The following SPANXN1 variants were observed in gnomAD, a reference collection of about 807,000 sequenced individuals.
SPANXN1 encodes SPANX family member N1.
SPANXN1 carries 1 observed loss-of-function variant against 2.0 expected under a neutral mutation model. That is an observed-to-expected ratio of 0.50 (90% CI 0.18 to 2.36). SPANXN1 has a LOEUF of 2.36. Ranked by LOEUF, SPANXN1 falls within the 30% of genes most tolerant of loss-of-function variation. SPANXN1 has a pLI of 0.26. For synonymous variants in SPANXN1, 27 were observed against 21.3 expected (o/e 1.27, Z -0.74); for missense variants, 55 against 51.8 (o/e 1.06, Z -0.19).
chrX:145,252,971 T>C (rs782311555), intron 1 of SPANXN1, among the ~76,000 whole-genome samples: 6 of 111,294 alleles, frequency 5.4e-5, no homozygotes, highest in East Asian at 2.8e-4. Context: ...AGTTGTCCTA[T>C]TGAGCATCCA....
chrX:145,252,196 T>A (rs1324345813), intron 1 of SPANXN1, among the ~76,000 whole-genome samples: 1 of 111,315 alleles, frequency 9.0e-6, no homozygotes, highest in Non-Finnish European at 1.9e-5. Context: ...TCCATGTTAG[T>A]TGGGTGGACA....
intron 1 of SPANXN1, among the ~76,000 whole-genome samples, 190 bp downstream of exon 1, chrX:145,247,851 G>A (rs1556882008): frequency 8.9e-6 from 1 of 112,809 alleles, no homozygotes; most frequent in African/African-American, 3.2e-5. Context: ...TGGGCAGTAT[G>A]GCTTGCTGCC....
At chrX:145,255,532 A>G (rs782741072) in intron 1 of SPANXN1, 139 bp from the exon 2 acceptor site, 136 of 932,073 alleles carry the variant, frequency 1.5e-4, no homozygotes, top group African/African-American at 4.3e-4. Flanking sequence ...TCCCTACCCT[A>G]TGATTCAACC....
chrX:145,253,054 C>T (rs2070792624), intron 1 of SPANXN1, among the ~76,000 whole-genome samples: 2 of 111,185 alleles, frequency 1.8e-5, no homozygotes, highest in East Asian at 2.8e-4. Flanking sequence ...GCAGTACGGG[C>T]GGTGGACTCT....
chrX:145,255,086 C>G (rs2070802928), intron 1 of SPANXN1, among the ~76,000 whole-genome samples: 1 of 111,542 alleles, frequency 9.0e-6, no homozygotes, highest in Non-Finnish European at 1.9e-5. Flanking sequence ...AGAGATGGGG[C>G]AGCTCAAACA....
At chrX:145,248,708 T>C (rs1348869404) in intron 1 of SPANXN1, among the ~76,000 whole-genome samples, 3 of 112,187 alleles carry the variant, frequency 2.7e-5, no homozygotes, top group Admixed American at 1.9e-4. Flanking sequence ...CCAAGTTCAA[T>C]AGCTGCCAGC....
intron 1 of SPANXN1, among the ~76,000 whole-genome samples, chrX:145,249,482 G>A (rs781789168): frequency 2.7e-4 from 30 of 111,215 alleles, no homozygotes; most frequent in African/African-American, 9.8e-4. Flanking sequence ...CAAAGTAGGA[G>A]ATAAAAGATT....
rs1316014982 is a variant in SPANXN1, at chrX:145,249,044, G to C, written c.75+1383G>C. On this transcript the variant is annotated intron_variant, in intron 1 of 1. Transcript: ENST00000370493. ...GACAGCCCTGTGTGTGATGGTGTGG[G>C]TGGATTTAATGGATTGGGGGGAAAG... is the stretch of plus-strand genomic sequence containing the variant. Among the ~76,000 whole-genome samples, 5 of 111,051 alleles carry C rather than the reference G, an allele frequency of 4.5e-5. No individual in the cohort carries two copies. The Admixed American group carries it at 4.8e-4, about 11-fold the overall frequency.
chrX:145,255,799 G>T lies in SPANXN1; in HGVS notation c.204G>T (p.Glu68Asp). 1.6e-6 allele frequency: 2 copies of T among 1,212,149 alleles called. No individual in the cohort carries two copies. The highest frequency in any genetic ancestry group is 2.2e-6 in the Non-Finnish European group (2 of 895,632). ...KAKKIHSNQL[E>D]NDQS ...AGAAAATACATTCAAATCAACTGGA[G>T]AATGACCAGTCCTGAGAGAACTCCA... Residue 68 changes from glutamate (E) to aspartate (D), a missense_variant, in exon 2 of 2, where the codon GAG becomes GAT. By Grantham distance (45) the Glu-to-Asp change is conservative. Transcript: ENST00000370493.
chrX:145,250,356 T>A (rs1227195980), intron 1 of SPANXN1, among the ~76,000 whole-genome samples: 1 of 111,284 alleles, frequency 9.0e-6, no homozygotes, highest in Non-Finnish European at 1.9e-5. Context: ...GTGAGTGATG[T>A]TGATTTGCTA....
At chrX:145,248,198 C>T (rs782311731) in intron 1 of SPANXN1, among the ~76,000 whole-genome samples, 1 of 111,356 alleles carries the variant, frequency 9.0e-6, no homozygotes, top group East Asian at 2.8e-4. Context: ...GAGCTGTAAT[C>T]AGGGTTTGGG....
chrX:145,253,686 T>C (rs1556882751), intron 1 of SPANXN1, among the ~76,000 whole-genome samples: 1 of 111,002 alleles, frequency 9.0e-6, no homozygotes, highest in Non-Finnish European at 1.9e-5. Context: ...ACAGCTAGGG[T>C]CCCTATTGGG....
Position 145,249,007 on chromosome X carries a change from G to A in SPANXN1, c.75+1346G>A, listed in dbSNP as rs781945961. The stretch of plus-strand genomic sequence containing the variant: ...ACATGTTTAGTTAAGAGGCTATGAG[G>A]TGAAGGAGGGTGACAGCCCTGTGTG... On this transcript the variant is annotated intron_variant, in intron 1 of 1. Coordinates refer to ENST00000370493, the MANE Select transcript of SPANXN1 (RefSeq NM_001009614.3). 9.1e-4 allele frequency among the ~76,000 whole-genome samples: 102 copies of A among 111,492 alleles called. 1 individual carries two copies. The highest frequency in any genetic ancestry group is 1.0e-3 in the Admixed American group (11 of 10,505).
chrX:145,249,881 C>G (rs1280467829), intron 1 of SPANXN1, among the ~76,000 whole-genome samples: 7 of 110,727 alleles, frequency 6.3e-5, no homozygotes, highest in African/African-American at 2.3e-4. Flanking sequence ...AGGTGTAACG[C>G]CGGCCAAGTA....
At chrX:145,250,016 A>G (rs1289057096) in intron 1 of SPANXN1, among the ~76,000 whole-genome samples, 1 of 111,677 alleles carries the variant, frequency 9.0e-6, no homozygotes, top group Non-Finnish European at 1.9e-5. Context: ...CATGAGGAAC[A>G]ATGGGAGAAG....
chrX:145,255,170 G>A (rs1242734592), intron 1 of SPANXN1, among the ~76,000 whole-genome samples: 1 of 111,812 alleles, frequency 8.9e-6, no homozygotes, highest in African/African-American at 3.3e-5. Flanking sequence ...ACTGCTTACA[G>A]CCTGGGGTAC....
Position 145,255,778 on chromosome X carries a change from A to G in SPANXN1, c.183A>G (p.Lys61=), listed in dbSNP as rs140811838. ...CGTTTTGCTACAGGAAAGCTAAGAA[A>G]ATACATTCAAATCAACTGGAGAATG... The part of the protein sequence containing the change: ...VLAFCYRKAK[K]IHSNQLENDQ... Residue 61 remains lysine (K), a synonymous_variant, in exon 2 of 2, where the codon AAA becomes AAG. Transcript: ENST00000370493. The G allele has an allele frequency of 7.6e-4, 921 of 1,210,826 alleles. 3 individuals carry two copies. In the African/African-American group the frequency reaches 0.013, roughly 17 times the overall value.
intron 1 of SPANXN1, among the ~76,000 whole-genome samples, chrX:145,254,988 C>A (rs1280794895): frequency 2.8e-5 from 3 of 107,330 alleles, no homozygotes; most frequent in Non-Finnish European, 5.7e-5. Context: ...GAAAACTTAC[C>A]CATTAGAACC....
intron 1 of SPANXN1, among the ~76,000 whole-genome samples, chrX:145,251,311 T>C (rs1428750118): frequency 1.8e-5 from 2 of 111,797 alleles, no homozygotes; most frequent in Non-Finnish European, 3.8e-5. Context: ...ATTAGAGGGT[T>C]ACCTATGAAT....
Sources: allele counts gnomAD v4.1 joint callset (sites outside exome capture counted in the v4.1 genomes callset), GRCh38; gene constraint gnomAD v4.1.1; transcripts MANE v1.5; gene names NCBI Gene and HGNC (gene_info 2026-07-23, HGNC 2026-07-21).